Variants in CSDE1 observed in about 807,000 individuals in gnomAD.
CSDE1 encodes the protein cold shock domain containing E1.
In CSDE1, 17 loss-of-function variants were observed where a neutral mutation model predicts 89.3. That is an observed-to-expected ratio of 0.19 (90% CI 0.13 to 0.29). The LOEUF (loss-of-function observed/expected upper bound fraction) is 0.29, where lower values mean the gene tolerates loss of function less well. Among genes scored for constraint, CSDE1 ranks in the 10% least tolerant of loss-of-function variants. The pLI is 1.00. For synonymous variants in CSDE1, 322 were observed against 332.8 expected (o/e 0.97, Z 0.35); for missense variants, 672 against 984.2 (o/e 0.68, Z 4.24).
chr1:114,735,674 G>C (rs1365051322), intron 6 of CSDE1, among the ~76,000 whole-genome samples: 3 of 152,124 alleles, frequency 2.0e-5, no homozygotes, highest in African/African-American at 4.8e-5. Context: ...CATGCTCTTA[G>C]GACTTTTCCC....
Position 114,720,523 on chromosome 1 carries a change from A to C in CSDE1, c.2052+16T>G. ...ATAGAAGGATCAAATTCAGATACAG[A>C]GATGCTGGCACTTACCTGATCTTTC... On this transcript the variant is annotated intron_variant, in intron 17 of 19. Transcript: ENST00000358528. 6.3e-7 allele frequency: 1 copy of C among 1,592,278 alleles called. No homozygotes were observed.
chr1:114,741,982 C>T (rs566973656), intron 2 of CSDE1, among the ~76,000 whole-genome samples: 5 of 152,284 alleles, frequency 3.3e-5, no homozygotes, highest in South Asian at 2.1e-4. Flanking sequence ...TTTTTAGTCA[C>T]TAGTCTCCCT....
At chr1:114,741,529 A>G in intron 2 of CSDE1, 1 of 1,545,910 alleles carries the variant, frequency 6.5e-7, no homozygotes, top group South Asian at 1.2e-5. Context: ...TGACTTACAG[A>G]TCTCTGATAA....
At position 114,717,350 on chromosome 1, in the gene CSDE1, G is replaced by A. The variant is rs1009462604; in HGVS notation, c.*819C>T. The A allele has an allele frequency of 1.3e-5, 2 of 152,202 alleles. No individual in the cohort carries two copies. The highest frequency in any genetic ancestry group is 2.9e-5 in the Non-Finnish European group (2 of 67,986). 9.4% of individuals were successfully genotyped at this position (152,202 alleles called of 1,614,324 possible). A position where few individuals can be genotyped will look rare whatever the true frequency, so the allele number is the denominator to read the frequency against. ...TGTTTTTAAATCAGTAAAAGAAACC[G>A]GGTCCTAGAAGCTGCAGTGATCTAA... On this transcript the variant is annotated 3_prime_UTR_variant, in exon 20 of 20. Transcript: ENST00000358528.
intron 1 of CSDE1, among the ~76,000 whole-genome samples, chr1:114,755,319 T>C (rs1416876250): frequency 6.6e-6 from 1 of 152,174 alleles, no homozygotes; most frequent in Non-Finnish European, 1.5e-5. Context: ...AGATTTTCAC[T>C]AATAAAAGTA....
At position 114,727,002 on chromosome 1, in the gene CSDE1, G is replaced by T. The variant is rs1328517806; in HGVS notation, c.1445C>A (p.Ser482Tyr). Residue 482 changes from serine (S) to tyrosine (Y), a missense_variant, in exon 13 of 20, where the codon TCT (serine) becomes TAT (tyrosine). Ser to Tyr is a moderately radical substitution (Grantham distance 144). Transcript: ENST00000358528. ...FQAKDVEGST[S>Y]PQIGDKVEFS... ...TCTTGCCTTATCTCCTATTTGAGGA[G>T]AAGTAGATCCTTCCACATCCTTGGC... 2 of 1,611,942 alleles carry T rather than the reference G, an allele frequency of 1.2e-6. No homozygotes were observed. The highest frequency in any genetic ancestry group is 2.2e-5 in the East Asian group (1 of 44,820).
intron 1 of CSDE1, among the ~76,000 whole-genome samples, chr1:114,755,803 C>T (rs1432510792): frequency 6.6e-6 from 1 of 152,144 alleles, no homozygotes; most frequent in Non-Finnish European, 1.5e-5. Context: ...CAATACAGTC[C>T]TGAAATTCAA....
Position 114,725,764 on chromosome 1 carries a change from T to A in CSDE1, c.1641-431A>T, listed in dbSNP as rs563382254. Among the ~76,000 whole-genome samples, 5 of 152,258 alleles carry A rather than the reference T, an allele frequency of 3.3e-5. No homozygotes were observed. The South Asian group carries it at 1.0e-3, about 32-fold the overall frequency. On this transcript the variant is annotated intron_variant, in intron 14 of 19. Transcript: ENST00000358528. ...GGTCCTCCCACATCAGCCTCCTGAG[T>A]TGGTGAGACTACAGGTATGCACCAC...
chr1:114,739,904 A>G lies in CSDE1; in HGVS notation c.1-14T>C, dbSNP rs762676175. ...ATCAAAGCTCATCTGTTTTAAAAAGAAAAAGAATATATACATATCTGTACA... is the reference window on the plus strand; with the variant it reads ...ATCAAAGCTCATCTGTTTTAAAAAGGAAAAGAATATATACATATCTGTACA... On this transcript the variant is annotated splice_polypyrimidine_tract_variant and intron_variant, in intron 2 of 19. Transcript: ENST00000358528. The G allele has an allele frequency of 6.3e-7, 1 of 1,595,520 alleles. No homozygotes were observed. The highest frequency in any genetic ancestry group is 2.2e-5 in the East Asian group (1 of 44,746).
At chr1:114,720,442 GA>G in intron 17 of CSDE1, 96 bp downstream of exon 17, 1 of 1,167,374 alleles carries the variant, frequency 8.6e-7, no homozygotes, top group Non-Finnish European at 1.2e-6. Context: ...AAAAACGAAT[GA>G]ATGTTGATGA....
rs1660428889 is a variant in CSDE1 at position 114,736,790 on chromosome 1, A to C, written c.468T>G (p.Asp156Glu). Residue 156 changes from aspartate to glutamate, a missense_variant, in exon 6 of 20, where the codon GAT becomes GAG. Asp to Glu is a conservative substitution (Grantham distance 45). Transcript: ENST00000358528. The part of the protein sequence containing the change: ...VEGNVQLETG[D>E]KINFVIDNNK... ...TGTTATCAATTACAAAGTTTATTTTATCTCCAGTTTCCAGCTGAACGTTCC... is the reference window on the plus strand; with the variant it reads ...TGTTATCAATTACAAAGTTTATTTTCTCTCCAGTTTCCAGCTGAACGTTCC... 6.2e-7 allele frequency: 1 copy of C among 1,612,818 alleles called. No homozygotes were observed. The highest frequency in any genetic ancestry group is 1.7e-5 in the Admixed American group (1 of 59,996).
At chr1:114,736,720 A>G (rs1219071494) in intron 6 of CSDE1, 38 bp downstream of exon 6, 2 of 1,390,718 alleles carry the variant, frequency 1.4e-6, no homozygotes, top group African/African-American at 2.9e-5. Context: ...GGAAAAAAAA[A>G]CCGCTTAGGT....
intron 1 of CSDE1, among the ~76,000 whole-genome samples, chr1:114,753,351 A>G (rs1212708728): frequency 6.6e-6 from 1 of 152,234 alleles, no homozygotes; most frequent in East Asian, 1.9e-4. Context: ...AGGAGCTATT[A>G]AAGCTCAAAC....
chr1:114,721,915 C>T (rs1189492923), intron 16 of CSDE1, among the ~76,000 whole-genome samples: 2 of 145,264 alleles, frequency 1.4e-5, no homozygotes, highest in Non-Finnish European at 1.5e-5. Context: ...CGGAGTCATG[C>T]TCTGTTAACC....
intron 5 of CSDE1, 116 bp from the exon 6 acceptor site, chr1:114,736,971 T>C (rs1660438475): frequency 5.7e-6 from 4 of 702,634 alleles, no homozygotes; most frequent in Admixed American, 5.6e-5. Context: ...TTCTTAAAAT[T>C]AAATGCTTTA....
intron 15 of CSDE1, chr1:114,724,323 C>A (rs202049342): frequency 4.5e-6 from 1 of 220,620 alleles, no homozygotes; most frequent in East Asian, 1.4e-4. Flanking sequence ...TTTTAAGAAG[C>A]CTTTCCTGGT....
In CSDE1 at chr1:114,737,985, G is replaced by C. The variant is rs200458604; in HGVS notation, c.287C>G (p.Pro96Arg). The change falls in exon 4 of 20, where the codon CCT becomes CGT. Residue 96 changes from proline to arginine, a missense_variant. Pro to Arg is a moderately radical substitution (Grantham distance 103). Around this residue, in one of 8 missense-constraint regions of CSDE1, gnomAD observed 124 missense variants for 138.7 expected, o/e 0.89. Coordinates refer to ENST00000358528, the MANE Select transcript of CSDE1 (RefSeq NM_001007553.3). ...AACTTGTCCATTCATTCGTTCTTCA[G>C]GGAGGATTTCTTGTTTTATCTTCAC... ...KLVKIKQEIL[P>R]EERMNGQVVC... is the part of the protein sequence containing the mutation. 6.2e-6 allele frequency: 10 copies of C among 1,613,270 alleles called. No individual in the cohort carries two copies. Among genetic ancestry groups the C allele is most frequent in the Non-Finnish European group, 8.5e-6 (10 of 1,179,218 alleles).
At chr1:114,749,098 C>T (rs1037078718) in intron 2 of CSDE1, among the ~76,000 whole-genome samples, 2 of 152,204 alleles carry the variant, frequency 1.3e-5, no homozygotes, top group Admixed American at 1.3e-4. Context: ...CTCTATACCT[C>T]TACCAATGTC....
At chr1:114,727,530 T>G (rs1023800414) in intron 12 of CSDE1, among the ~76,000 whole-genome samples, 5 of 152,168 alleles carry the variant, frequency 3.3e-5, no homozygotes, top group Admixed American at 2.0e-4. Flanking sequence ...ATAATGTCAA[T>G]CAATATACTT....
Sources: gnomAD v4.1 joint callset for allele counts (sites outside exome capture counted in the v4.1 genomes callset) on GRCh38, gnomAD v4.1.1 for gene constraint, gnomAD v4.1.1 regional missense constraint, MANE v1.5 for transcripts, NCBI Gene and HGNC (gene_info 2026-07-23, HGNC 2026-07-21) for gene names.